Variants in FGF14 observed in about 807,000 individuals in gnomAD.
FGF14 encodes fibroblast growth factor homologous factor 4.
In FGF14, 5 loss-of-function variants were observed where a neutral mutation model predicts 25.5. The observed-to-expected ratio is 0.20, with a 90% CI of 0.10 to 0.41. The LOEUF (loss-of-function observed/expected upper bound fraction) is 0.41. FGF14 is among the 10% of genes least tolerant of loss of function. FGF14 has a pLI of 1.00. For synonymous variants in FGF14, 138 were observed against 118.3 expected (o/e 1.17, Z -1.08); for missense variants, 222 against 320.1 (o/e 0.69, Z 2.34).
intron 1 of FGF14, among the ~76,000 whole-genome samples, chr13:102,028,298 C>T (rs948983669): frequency 5.3e-5 from 8 of 152,010 alleles, no homozygotes; most frequent in African/African-American, 1.4e-4. Context: ...AGAGCTGTCA[C>T]GAATGGAATT....
intron 3 of FGF14, among the ~76,000 whole-genome samples, chr13:101,824,239 A>T (rs1594384118): frequency 6.6e-6 from 1 of 151,948 alleles, no homozygotes. Flanking sequence ...TTTATTGTTC[A>T]TTCCTTGCAA....
chr13:102,396,129 C>T (rs1311388616), intron 1 of FGF14, among the ~76,000 whole-genome samples: 1 of 152,132 alleles, frequency 6.6e-6, no homozygotes, highest in African/African-American at 2.4e-5. Context: ...TACACAAGTC[C>T]TAAGGAACAC....
chr13:102,087,608 T>G (rs2043982338), intron 1 of FGF14, among the ~76,000 whole-genome samples: 1 of 134,654 alleles, frequency 7.4e-6, no homozygotes, highest in Non-Finnish European at 1.6e-5. Flanking sequence ...GTATTTTTAG[T>G]AGAGTCGGGA....
At chr13:102,223,114 T>C (rs2050689064) in intron 1 of FGF14, among the ~76,000 whole-genome samples, 1 of 152,176 alleles carries the variant, frequency 6.6e-6, no homozygotes, top group African/African-American at 2.4e-5. Context: ...TCAAATTACC[T>C]AGAGAAAAAT....
At chr13:102,229,721 T>C (rs773440130) in intron 1 of FGF14, among the ~76,000 whole-genome samples, 1 of 152,220 alleles carries the variant, frequency 6.6e-6, no homozygotes, top group Non-Finnish European at 1.5e-5. Flanking sequence ...ATAAAATAAG[T>C]GTTGCATTTC....
rs1354298750 is a variant in FGF14, at chr13:101,722,693, G to C, written c.*138C>G. ...GGTTGAGATTTATCCACTTGCAACA[G>C]AGAAGTTCGGAGACAGCAAAGAATA... On this transcript the variant is annotated 3_prime_UTR_variant, in exon 5 of 5. Transcript: ENST00000376143. 2 of 1,184,268 alleles carry C rather than the reference G, an allele frequency of 1.7e-6. No individual in the cohort carries two copies. Among genetic ancestry groups the C allele is most frequent in the Non-Finnish European group, 2.4e-6 (2 of 819,456 alleles). The allele number at this position is 1,184,268 out of a possible 1,614,324, so 73.4% of individuals were successfully genotyped here. A position where few individuals can be genotyped will look rare whatever the true frequency, so the allele number is the denominator to read the frequency against.
chr13:101,719,380 C>T lies in FGF14; in HGVS notation c.*3451G>A, dbSNP rs970792949. 6.6e-6 allele frequency: 1 copy of T among 151,996 alleles called. No individual in the cohort carries two copies. Among genetic ancestry groups the T allele is most frequent in the Non-Finnish European group, 1.5e-5 (1 of 67,996 alleles). The allele number at this position is 151,996 out of a possible 1,614,324, so 9.4% of individuals were successfully genotyped here. A position where few individuals can be genotyped will look rare whatever the true frequency, so the allele number is the denominator to read the frequency against. ...GGAGTCCTTTGGACCCATCGTGGAT[C>T]TCTTTAAGCCACTGCTACCCAAAAA... is the stretch of plus-strand genomic sequence containing the variant. On this transcript the variant is annotated 3_prime_UTR_variant, in exon 5 of 5. Coordinates refer to ENST00000376143, the MANE Select transcript of FGF14 (RefSeq NM_004115.4).
chr13:102,250,880 C>A (rs1280914880), intron 1 of FGF14, among the ~76,000 whole-genome samples: 1 of 152,076 alleles, frequency 6.6e-6, no homozygotes, highest in Non-Finnish European at 1.5e-5. Context: ...TAGTGTTATT[C>A]CTTTATTTAT....
chr13:102,262,614 A>G (rs762595202), intron 1 of FGF14, among the ~76,000 whole-genome samples: 6 of 152,216 alleles, frequency 3.9e-5, no homozygotes, highest in Non-Finnish European at 7.3e-5. Flanking sequence ...GTTAAATTAT[A>G]TAATAATGAT....
chr13:101,933,077 T>C (rs1403602055), intron 1 of FGF14, among the ~76,000 whole-genome samples: 1 of 152,244 alleles, frequency 6.6e-6, no homozygotes, highest in Non-Finnish European at 1.5e-5. Context: ...GATCATAATA[T>C]GAAGATGACT....
chr13:101,993,054 A>T (rs1169631787), intron 1 of FGF14, among the ~76,000 whole-genome samples: 1 of 152,122 alleles, frequency 6.6e-6, no homozygotes, highest in Middle Eastern at 3.4e-3. Flanking sequence ...AAACAAAGAG[A>T]AAGAGAAAAT....
At chr13:102,164,656 A>T (rs1053253377) in intron 1 of FGF14, among the ~76,000 whole-genome samples, 1 of 152,182 alleles carries the variant, frequency 6.6e-6, no homozygotes, top group Non-Finnish European at 1.5e-5. Context: ...TGAGCTAACT[A>T]TTCTTAATCG....
chr13:102,086,910 C>T (rs2607646), intron 1 of FGF14, among the ~76,000 whole-genome samples: 136,251 of 152,260 alleles, frequency 0.89, 61,134 homozygotes, highest in East Asian at 1. Flanking sequence ...GCGATTGACA[C>T]AGGAGGCAGT....
intron 1 of FGF14, among the ~76,000 whole-genome samples, chr13:102,091,992 A>G (rs1222804227): frequency 6.6e-6 from 1 of 152,192 alleles, no homozygotes; most frequent in East Asian, 1.9e-4. Context: ...AGGCCTGGTG[A>G]TAAGTTTATA....
chr13:102,266,862 G>A (rs9518688), intron 1 of FGF14, among the ~76,000 whole-genome samples: 117,884 of 151,970 alleles, frequency 0.78, 46,580 homozygotes, highest in African/African-American at 0.93. Context: ...TTACACAAAA[G>A]TAAAGGAATA....
At chr13:101,787,309 T>A (rs1425576287) in intron 3 of FGF14, among the ~76,000 whole-genome samples, 1 of 152,214 alleles carries the variant, frequency 6.6e-6, no homozygotes, top group Non-Finnish European at 1.5e-5. Context: ...CCATCTAGCA[T>A]ATTGAATAGC....
intron 1 of FGF14, among the ~76,000 whole-genome samples, chr13:102,087,007 G>A (rs966471590): frequency 6.6e-6 from 1 of 152,198 alleles, no homozygotes; most frequent in African/African-American, 2.4e-5. Context: ...GCTCCTCTAT[G>A]AGCCTGGCTT....
At chr13:101,914,025 T>C (rs2033220136) in intron 1 of FGF14, among the ~76,000 whole-genome samples, 1 of 152,124 alleles carries the variant, frequency 6.6e-6, no homozygotes, top group Non-Finnish European at 1.5e-5. Flanking sequence ...GATTCAATAA[T>C]TGTTATATTA....
rs1382178469 is a variant in FGF14 at position 102,051,847 on chromosome 13, G to A, written c.209-176551C>T. ...AATACATACACATCAATGTCAATAAGAAGCTTGAAAAACCAAAGAGACATA... is the reference window on the plus strand; with the variant it reads ...AATACATACACATCAATGTCAATAAAAAGCTTGAAAAACCAAAGAGACATA... On this transcript the variant is annotated intron_variant, in intron 1 of 4. Transcript: ENST00000376131. Among the ~76,000 whole-genome samples the A allele has an allele frequency of 2.0e-5, 3 of 152,202 alleles. No homozygotes were observed. In the East Asian group the frequency reaches 5.8e-4, roughly 29 times the overall value.
Sources: gnomAD v4.1 joint callset for allele counts (sites outside exome capture counted in the v4.1 genomes callset) on GRCh38, gnomAD v4.1.1 for gene constraint, MANE v1.5 for transcripts, NCBI Gene and HGNC (gene_info 2026-07-23, HGNC 2026-07-21) for gene names.